The following LRP1B variants were observed in gnomAD, a reference collection of about 807,000 sequenced individuals.
LRP1B encodes the protein low-density lipoprotein receptor-related protein 1B.
A neutral mutation model predicts 556.6 loss-of-function variants in LRP1B; 217 were observed. That is an observed-to-expected ratio of 0.39 (90% CI 0.35 to 0.44). LRP1B has a LOEUF of 0.44. Ranked by LOEUF, LRP1B falls within the 20% of genes least tolerant of loss-of-function variation. The pLI is 1.00. For synonymous variants in LRP1B, 2,047 were observed against 1,865.8 expected (o/e 1.10, Z -2.50); for missense variants, 5,053 against 5,620.8 (o/e 0.90, Z 3.23).
At chr2:141,755,825 G>A (rs903528746) in intron 2 of LRP1B, among the ~76,000 whole-genome samples, 1 of 151,918 alleles carries the variant, frequency 6.6e-6, no homozygotes, top group South Asian at 2.1e-4. Context: ...CAGAGTGCAA[G>A]CTGAAGTGTA....
chr2:140,440,743 A>ATGTGTGTGTGTGTGTGTGTGTG (rs375585057), intron 66 of LRP1B, among the ~76,000 whole-genome samples: 20,919 of 150,354 alleles, frequency 0.14, 1,581 homozygotes, highest in Non-Finnish European at 0.17. Context: ...CTCTGTATGT[A>ATGTGTGTGTGTGTGTGTGTGTG]TGTGTGTGTG....
Position 140,598,631 on chromosome 2 carries a change from A to C in LRP1B, c.7194T>G (p.His2398Gln). Residue 2398 changes from histidine to glutamine, a missense_variant and splice_region_variant, in exon 43 of 91, where the codon CAT becomes CAG. His to Gln is a conservative substitution (Grantham distance 24). Transcript: ENST00000389484. ...ACCAAGAAATTCCTGATTAACTTACATGTCTCTGGGATCCATCGTATTCAC... is the reference window on the plus strand; with the variant it reads ...ACCAAGAAATTCCTGATTAACTTACCTGTCTCTGGGATCCATCGTATTCAC... Reference protein sequence around the residue: ...ERCEYDGSQRHVIVKSGPGTF... With the variant: ...ERCEYDGSQRQVIVKSGPGTF... The C allele has an allele frequency of 5.0e-6, 8 of 1,609,772 alleles. No individual in the cohort carries two copies. The highest frequency in any genetic ancestry group is 6.8e-6 in the Non-Finnish European group (8 of 1,176,316).
At chr2:142,017,955 C>CTT (rs11431816) in intron 1 of LRP1B, among the ~76,000 whole-genome samples, 10,485 of 147,210 alleles carry the variant, frequency 0.071, 489 homozygotes, top group Admixed American at 0.099. Flanking sequence ...CTGACACGCT[C>CTT]TTTTTTTTTT....
intron 43 of LRP1B, among the ~76,000 whole-genome samples, chr2:140,584,418 T>C (rs1325669177): frequency 6.6e-6 from 1 of 151,882 alleles, no homozygotes; most frequent in Non-Finnish European, 1.5e-5. Context: ...ATGAGCAGAA[T>C]GGCTTTTGTT....
chr2:140,622,009 C>A (rs1164365229), intron 41 of LRP1B, among the ~76,000 whole-genome samples: 1 of 152,190 alleles, frequency 6.6e-6, no homozygotes, highest in Non-Finnish European at 1.5e-5. Flanking sequence ...ATGAAATCTG[C>A]TAATTCATGC....
chr2:140,942,834 C>CA (rs770903734), intron 20 of LRP1B, among the ~76,000 whole-genome samples: 1 of 151,984 alleles, frequency 6.6e-6, no homozygotes, highest in Non-Finnish European at 1.5e-5. Context: ...TACAAAAAGA[C>CA]ATGTATATAG....
intron 7 of LRP1B, among the ~76,000 whole-genome samples, chr2:141,163,435 A>G (rs1230543203): frequency 6.6e-6 from 1 of 152,080 alleles, no homozygotes; most frequent in Non-Finnish European, 1.5e-5. Context: ...ACATATGATA[A>G]TTTGGGAATT....
At chr2:141,235,024 A>C in intron 5 of LRP1B, among the ~76,000 whole-genome samples, 1 of 152,250 alleles carries the variant, frequency 6.6e-6, no homozygotes, top group Admixed American at 6.5e-5. Flanking sequence ...ACCAAAATGA[A>C]TAATATTCAG....
intron 1 of LRP1B, among the ~76,000 whole-genome samples, chr2:142,004,132 A>T (rs1702736766): frequency 6.6e-6 from 1 of 152,210 alleles, no homozygotes; most frequent in Non-Finnish European, 1.5e-5. Flanking sequence ...GCTGGAGACA[A>T]GAAGGTTAGG....
chr2:140,875,980 A>G (rs1693292027), intron 25 of LRP1B, among the ~76,000 whole-genome samples: 1 of 152,118 alleles, frequency 6.6e-6, no homozygotes, highest in Non-Finnish European at 1.5e-5. Flanking sequence ...TTCCACGGAC[A>G]GTTATTTTGT....
chr2:140,547,884 GTATCGATTTGA>G, intron 43 of LRP1B, among the ~76,000 whole-genome samples: 1 of 150,594 alleles, frequency 6.6e-6, no homozygotes, highest in East Asian at 2.0e-4. Context: ...TTAAATAAAG[GTATCGATTTGA>G]TTATTTGGCC....
chr2:141,587,561 G>A (rs1687187885), intron 2 of LRP1B, among the ~76,000 whole-genome samples: 1 of 152,064 alleles, frequency 6.6e-6, no homozygotes, highest in Admixed American at 6.5e-5. Context: ...CTTCAATTAG[G>A]TTGTTCTGTG....
intron 6 of LRP1B, among the ~76,000 whole-genome samples, chr2:141,189,876 A>T (rs1415005444): frequency 6.6e-6 from 1 of 151,854 alleles, no homozygotes; most frequent in Admixed American, 6.6e-5. Flanking sequence ...GGGAGCAGCC[A>T]ATGCAGGGAT....
intron 86 of LRP1B, among the ~76,000 whole-genome samples, chr2:140,251,675 C>T (rs1379809761): frequency 1.3e-5 from 2 of 151,780 alleles, no homozygotes; most frequent in Non-Finnish European, 2.9e-5. Context: ...TAATATACCC[C>T]TTTCTTTCTC....
chr2:141,533,176 G>C (rs988787497), intron 2 of LRP1B, among the ~76,000 whole-genome samples: 2 of 152,046 alleles, frequency 1.3e-5, no homozygotes, highest in Admixed American at 1.3e-4. Context: ...AGAATCCAAA[G>C]CTTAATAACT....
rs530680691 is a variant in LRP1B at position 140,971,312 on chromosome 2, G to A, written c.2887+10848C>T. Among the ~76,000 whole-genome samples, 4 of 152,138 alleles carry A rather than the reference G, an allele frequency of 2.6e-5. No individual in the cohort carries two copies. In the East Asian group the frequency reaches 7.8e-4, roughly 30 times the overall value. ...GTTATGTTGCCCCAAGCCAAGAAAC[G>A]CCGATAGCCACCAGAAGCTGAAAAA... On this transcript the variant is annotated intron_variant, in intron 18 of 90. Coordinates refer to ENST00000389484, the MANE Select transcript of LRP1B (RefSeq NM_018557.3).
In LRP1B at chr2:140,595,087, A is replaced by AATATAT. The variant is rs60138085; in HGVS notation, c.7194+3538_7194+3543dup. Among the ~76,000 whole-genome samples, 141 of 99,582 alleles carry AATATAT rather than the reference A, an allele frequency of 1.4e-3. 1 individual carries two copies. The highest frequency in any genetic ancestry group is 2.2e-3 in the Non-Finnish European group (103 of 46,748). The allele number at this position is 99,582 out of a possible 152,430, so 65.3% of individuals were successfully genotyped here. A position where few individuals can be genotyped will look rare whatever the true frequency, so the allele number is the denominator to read the frequency against. ...CTACTTAAAAATAAAATATAAATTG[A>AATATAT]ATATATATATATATATATATATATA... On this transcript the variant is annotated intron_variant, in intron 43 of 90. Transcript: ENST00000389484.
chr2:140,297,750 G>A, intron 84 of LRP1B, 58 bp downstream of exon 84: 2 of 1,519,798 alleles, frequency 1.3e-6, no homozygotes, highest in Admixed American at 1.8e-5. Flanking sequence ...GTGGATACAG[G>A]AAATCAGAAG....
chr2:141,357,837 AT>A (rs1261279916), intron 3 of LRP1B, among the ~76,000 whole-genome samples: 1 of 152,190 alleles, frequency 6.6e-6, no homozygotes, highest in East Asian at 1.9e-4. Flanking sequence ...AGTAGAAAAT[AT>A]TTTTTCAACT....
Sources: allele counts gnomAD v4.1 joint callset (sites outside exome capture counted in the v4.1 genomes callset), GRCh38; gene constraint gnomAD v4.1.1; transcripts MANE v1.5; gene names NCBI Gene and HGNC (gene_info 2026-07-23, HGNC 2026-07-21).